ABCC5: variants seen among roughly 807,000 people sequenced by gnomAD.
The protein encoded by ABCC5 is ATP-binding cassette sub-family C member 5.
A neutral mutation model predicts 160.9 loss-of-function variants in ABCC5; 61 were observed. The ratio of observed to expected loss-of-function variants is 0.38; its 90% CI spans 0.31 to 0.47. The LOEUF is 0.47. Ranked by LOEUF, ABCC5 falls within the 20% of genes least tolerant of loss-of-function variation. The pLI, the probability that ABCC5 is intolerant of heterozygous loss-of-function variation, is 0.99. For missense variants in ABCC5, 1,308 were observed against 1,813.3 expected, an observed-to-expected ratio of 0.72 and a Z score of 5.06; for synonymous variants, 666 against 700.6, an observed-to-expected ratio of 0.95 and a Z score of 0.78.
chr3:183,942,707 A>T lies in ABCC5; in HGVS notation c.3694+20T>A, dbSNP rs749503770. Reference sequence around the variant, plus strand: ...CTGCTACGTTCCAATGGATTCAAAGAAGGCTTTGCACATCCTTACCTGATC... The same window carrying T: ...CTGCTACGTTCCAATGGATTCAAAGTAGGCTTTGCACATCCTTACCTGATC... On this transcript the variant is annotated intron_variant, in intron 25 of 29. Coordinates refer to ENST00000334444, the MANE Select transcript of ABCC5 (RefSeq NM_005688.4). 3.1e-6 allele frequency: 5 copies of T among 1,606,570 alleles called. No individual in the cohort carries two copies. The East Asian group carries it at 1.1e-4, about 36-fold the overall frequency.
rs1044238314 is a variant in ABCC5, at chr3:184,017,181, G to A, written c.-56+649C>T. On this transcript the variant is annotated intron_variant, in intron 1 of 29. Transcript: ENST00000334444. This position sits in a 1 kb window ranked among gnomAD's most constrained non-coding sequence, Gnocchi z 4.5. ...TCTGTGCAGAAACCAAATGGCCCCT[G>A]TGTGATAAACACAAAGCCACCCGCG... 3.3e-5 allele frequency among the ~76,000 whole-genome samples: 5 copies of A among 152,166 alleles called. No homozygotes were observed. The highest frequency in any genetic ancestry group is 1.2e-4 in the African/African-American group (5 of 41,422).
At chr3:183,969,853 G>A (rs1041469654) in intron 11 of ABCC5, among the ~76,000 whole-genome samples, 11 of 152,146 alleles carry the variant, frequency 7.2e-5, no homozygotes, top group Non-Finnish European at 1.6e-4. Context: ...GTCTAGTTCT[G>A]GATTGGCTTA....
intron 15 of ABCC5, among the ~76,000 whole-genome samples, chr3:183,962,078 G>C (rs1399512408): frequency 6.6e-6 from 1 of 152,036 alleles, no homozygotes; most frequent in African/African-American, 2.4e-5. Context: ...GTCACAACTC[G>C]GGGGAGAGGT....
At chr3:183,953,735 G>A (rs1410958207) in intron 17 of ABCC5, among the ~76,000 whole-genome samples, 1 of 152,166 alleles carries the variant, frequency 6.6e-6, no homozygotes, top group African/African-American at 2.4e-5. Flanking sequence ...CAGATGACCG[G>A]GTGGGGAAAG....
chr3:183,970,909 G>C (rs1356264047), intron 11 of ABCC5, among the ~76,000 whole-genome samples: 2 of 152,196 alleles, frequency 1.3e-5, no homozygotes, highest in African/African-American at 2.4e-5. Context: ...CATGGAGTTT[G>C]ATACTCATGA....
chr3:183,966,092 C>T lies in ABCC5; in HGVS notation c.1834-591G>A, dbSNP rs77781898. Among the ~76,000 whole-genome samples, 571 of 152,308 alleles carry T rather than the reference C, an allele frequency of 3.7e-3. 2 individuals carry two copies. The highest frequency in any genetic ancestry group is 0.013 in the African/African-American group (526 of 41,578). Reference sequence around the variant, plus strand: ...GTTGCAATGGTTTGATATGAATTGACTTATCCATTTTACCCCCTTCCATGA... The same window carrying T: ...GTTGCAATGGTTTGATATGAATTGATTTATCCATTTTACCCCCTTCCATGA... On this transcript the variant is annotated intron_variant, in intron 12 of 29. Coordinates refer to ENST00000334444, the MANE Select transcript of ABCC5 (RefSeq NM_005688.4).
chr3:183,961,317 A>C (rs1471141333), intron 16 of ABCC5, among the ~76,000 whole-genome samples, 194 bp downstream of exon 16: 1 of 152,202 alleles, frequency 6.6e-6, no homozygotes, highest in Non-Finnish European at 1.5e-5. Context: ...TCAGCTCACC[A>C]GCCCCACAAT....
At chr3:183,959,860 C>T (rs1716566217) in intron 16 of ABCC5, 25 bp from the exon 17 acceptor site, 2 of 1,520,180 alleles carry the variant, frequency 1.3e-6, no homozygotes, top group Admixed American at 1.9e-5. Flanking sequence ...AAAAAAAAGT[C>T]TCCAGTCATG....
In ABCC5 at chr3:183,978,512, T is replaced by C; in HGVS notation, c.1287A>G (p.Thr429=). 6.2e-7 allele frequency: 1 copy of C among 1,613,890 alleles called. No individual in the cohort carries two copies. The highest frequency in any genetic ancestry group is 8.5e-7 in the Non-Finnish European group (1 of 1,179,972). Residue 429 remains threonine (T), a synonymous_variant, in exon 9 of 30, where the codon ACA becomes ACG. Coordinates refer to ENST00000334444, the MANE Select transcript of ABCC5 (RefSeq NM_005688.4). Reference sequence around the variant, plus strand: ...CTGAGGGTTCCCTGACCTGTGCTGCTGTCAGATCGAAGCCCAGGGTCATAT... The same window carrying C: ...CTGAGGGTTCCCTGACCTGTGCTGCCGTCAGATCGAAGCCCAGGGTCATAT... ...SVHMTLGFDL[T]AAQAFTVVTV...
At position 183,922,763 on chromosome 3, in the gene ABCC5, C is replaced by T. The variant is rs1042608801; in HGVS notation, c.4213-1362G>A. 1.3e-5 allele frequency among the ~76,000 whole-genome samples: 2 copies of T among 151,968 alleles called. 1 individual carries two copies. Among genetic ancestry groups the T allele is most frequent in the South Asian group, 4.2e-4 (2 of 4,810 alleles). On this transcript the variant is annotated intron_variant, in intron 29 of 29. Transcript: ENST00000334444. ...TTTAAGGAGATGTAAGAGGAAGTCT[C>T]CTTGGTGCTTTAGGAGAGGGTGTCC...
intron 26 of ABCC5, 111 bp downstream of exon 26, chr3:183,937,790 C>T: frequency 8.2e-7 from 1 of 1,216,578 alleles, no homozygotes; most frequent in Non-Finnish European, 1.2e-6. Flanking sequence ...AAGCACCAGA[C>T]TAGAGATGGT....
intron 2 of ABCC5, among the ~76,000 whole-genome samples, chr3:183,992,621 T>C (rs1719868409): frequency 6.7e-6 from 1 of 149,970 alleles, no homozygotes; most frequent in Admixed American, 6.6e-5. Flanking sequence ...CCGTCTCTAC[T>C]AAAAAAAAAT....
Position 183,987,406 on chromosome 3 carries a change from C to T in ABCC5, c.591+364G>A, listed in dbSNP as rs1428668843. 2 of 509,634 alleles carry T rather than the reference C, an allele frequency of 3.9e-6. No homozygotes were observed. Among genetic ancestry groups the T allele is most frequent in the Non-Finnish European group, 7.0e-6 (2 of 287,180 alleles). The allele number at this position is 509,634 out of a possible 1,614,324, so 31.6% of individuals were successfully genotyped here. On this transcript the variant is annotated intron_variant, in intron 5 of 29. Coordinates refer to ENST00000334444, the MANE Select transcript of ABCC5 (RefSeq NM_005688.4). This position sits in a 1 kb window ranked among gnomAD's most constrained non-coding sequence, Gnocchi z 4.2. ...ACTTGGTATGTTCCCGGTGCTGGCT[C>T]ACCAGCCCGGGCCACACAACGTGCT... is the stretch of plus-strand genomic sequence containing the variant.
intron 18 of ABCC5, among the ~76,000 whole-genome samples, 153 bp downstream of exon 18, chr3:183,952,933 A>G (rs1715521993): frequency 6.6e-6 from 1 of 152,198 alleles, no homozygotes; most frequent in African/African-American, 2.4e-5. Flanking sequence ...TGGTGAGGCT[A>G]CATTAGGGAC....
chr3:183,940,889 G>A (rs190694706), intron 25 of ABCC5, among the ~76,000 whole-genome samples: 35 of 152,046 alleles, frequency 2.3e-4, no homozygotes, highest in Non-Finnish European at 3.1e-4. Flanking sequence ...ATGGAGTTTC[G>A]CTCTTGTTGC....
chr3:183,985,018 A>G (rs1719080431), intron 5 of ABCC5: 3 of 836,170 alleles, frequency 3.6e-6, no homozygotes, highest in African/African-American at 1.7e-5. Context: ...GGTAAAAGAC[A>G]TAGTGAATGT....
At chr3:184,008,671 G>C (rs1576946714) in intron 2 of ABCC5, among the ~76,000 whole-genome samples, 1 of 152,322 alleles carries the variant, frequency 6.6e-6, no homozygotes, top group East Asian at 1.9e-4. Context: ...GTGACTAATA[G>C]AGCAATTTTT....
At chr3:183,928,099 A>G (rs1299403208) in intron 27 of ABCC5, among the ~76,000 whole-genome samples, 3 of 150,180 alleles carry the variant, frequency 2.0e-5, no homozygotes, top group South Asian at 2.1e-4. Context: ...TGCAGACTCA[A>G]TATGTTATGT....
At chr3:183,957,970 G>A (rs373145867) in intron 17 of ABCC5, among the ~76,000 whole-genome samples, 20 of 127,220 alleles carry the variant, frequency 1.6e-4, no homozygotes, top group African/African-American at 3.8e-4. Context: ...GGTTACATGC[G>A]GATCCGTGTG....
Sources: allele counts gnomAD v4.1 joint callset (sites outside exome capture counted in the v4.1 genomes callset), GRCh38; gene constraint gnomAD v4.1.1; non-coding constraint Gnocchi (gnomAD v3.1); transcripts MANE v1.5; gene names NCBI Gene and HGNC (gene_info 2026-07-23, HGNC 2026-07-21).